The following TMEM232 variants were observed in gnomAD, a reference collection of about 807,000 sequenced individuals.
TMEM232 encodes transmembrane protein 232.
Under a neutral mutation model 78.8 loss-of-function variants are expected in TMEM232, and 80 were observed. That is an observed-to-expected ratio of 1.01 (90% CI 0.85 to 1.22). The LOEUF (loss-of-function observed/expected upper bound fraction) is 1.22, where lower values mean the gene tolerates loss of function less well. TMEM232 is among the 50% of genes most tolerant of loss of function. The pLI is 0.00. For missense variants in TMEM232, 881 were observed against 742.2 expected (o/e 1.19, Z -2.17); for synonymous variants, 297 against 254.3 (o/e 1.17, Z -1.60).
intron 2 of TMEM232, among the ~76,000 whole-genome samples, chr5:110,398,655 C>T (rs997036054): frequency 6.6e-6 from 1 of 152,106 alleles, no homozygotes; most frequent in Non-Finnish European, 1.5e-5. Flanking sequence ...CAGAACATGT[C>T]CAGATGCTGA....
At chr5:110,502,064 G>A (rs1034629450) in intron 12 of TMEM232, among the ~76,000 whole-genome samples, 9 of 151,680 alleles carry the variant, frequency 5.9e-5, no homozygotes, top group African/African-American at 2.2e-4. Flanking sequence ...TCTGTTTTTG[G>A]TTTTGTTTTG....
chr5:110,649,292 AG>A (rs1787962406), intron 2 of TMEM232, among the ~76,000 whole-genome samples: 1 of 152,116 alleles, frequency 6.6e-6, no homozygotes, highest in Admixed American at 6.6e-5. Flanking sequence ...AGACAGCACT[AG>A]GATTTCTTTA....
At chr5:110,499,639 A>C (rs2633976) in intron 12 of TMEM232, among the ~76,000 whole-genome samples, 3,068 of 137,618 alleles carry the variant, frequency 0.022, 44 homozygotes, top group African/African-American at 0.038. Context: ...CCCCCCCCAC[A>C]CACACACATA....
chr5:110,547,291 C>G (rs1773898600), intron 11 of TMEM232, among the ~76,000 whole-genome samples: 1 of 152,080 alleles, frequency 6.6e-6, no homozygotes, highest in Non-Finnish European at 1.5e-5. Context: ...TTTTACTCAG[C>G]AAAATTACGC....
chr5:110,718,978 T>C (rs1032288752), intron 1 of TMEM232, among the ~76,000 whole-genome samples: 3 of 151,964 alleles, frequency 2.0e-5, no homozygotes, highest in East Asian at 3.9e-4. Flanking sequence ...TGGAGATATG[T>C]TCTGAGAAAT....
At chr5:110,391,295 G>T (rs928142436) in intron 3 of TMEM232, among the ~76,000 whole-genome samples, 3 of 132,544 alleles carry the variant, frequency 2.3e-5, no homozygotes, top group African/African-American at 1.1e-4. Flanking sequence ...GTTTGAATGT[G>T]TGTGTGTGTG....
chr5:110,417,618 C>CTTTTTTTTTTTT (rs1181888424), downstream of TMEM232: 30 of 119,274 alleles, frequency 2.5e-4, no homozygotes, highest in Non-Finnish European at 3.2e-4. Context: ...TTTTCTTTTT[C>CTTTTTTTTTTTT]TTTTTTTTTT....
chr5:110,703,963 C>T (rs1322541913), intron 1 of TMEM232, among the ~76,000 whole-genome samples: 1 of 151,964 alleles, frequency 6.6e-6, no homozygotes, highest in Non-Finnish European at 1.5e-5. Context: ...ATCAATTATC[C>T]CCCTGCAAGA....
rs573660230 is a variant in TMEM232 at position 110,516,116 on chromosome 5, G to A, written c.1703+12472C>T. On this transcript the variant is annotated intron_variant, in intron 12 of 13. Coordinates refer to ENST00000455884, the MANE Select transcript of TMEM232 (RefSeq NM_001039763.4). ...TACCCGGGCGTGGTGGCAGGCACCT[G>A]TAGTCCCAGCTACTCAGGAGGCTGA... 2.0e-5 allele frequency among the ~76,000 whole-genome samples: 3 copies of A among 152,250 alleles called. No homozygotes were observed. The East Asian group carries it at 5.8e-4, about 29-fold the overall frequency.
chr5:110,671,077 A>G (rs116004362), intron 1 of TMEM232, among the ~76,000 whole-genome samples: 1,781 of 152,270 alleles, frequency 0.012, 44 homozygotes, highest in African/African-American at 0.04. Context: ...CTTCATGACT[A>G]AAACACCAAA....
intron 2 of TMEM232, among the ~76,000 whole-genome samples, chr5:110,403,886 G>T (rs542394897): frequency 6.6e-6 from 1 of 152,000 alleles, no homozygotes; most frequent in African/African-American, 2.4e-5. Flanking sequence ...AATGTGCTGA[G>T]CAGCATTGGT....
chr5:110,527,314 T>C (rs924587782), intron 12 of TMEM232, among the ~76,000 whole-genome samples: 1 of 151,854 alleles, frequency 6.6e-6, no homozygotes, highest in African/African-American at 2.4e-5. Context: ...ATAAGTGAGT[T>C]TACATATTAA....
intron 2 of TMEM232, among the ~76,000 whole-genome samples, chr5:110,647,159 T>C (rs536047856): frequency 2.6e-5 from 4 of 152,048 alleles, no homozygotes; most frequent in Non-Finnish European, 5.9e-5. Flanking sequence ...AACTTGAAAC[T>C]TTCTCAGTAA....
At chr5:110,688,466 C>T (rs914082814) in intron 1 of TMEM232, among the ~76,000 whole-genome samples, 1 of 152,138 alleles carries the variant, frequency 6.6e-6, no homozygotes, top group Admixed American at 6.5e-5. Context: ...GATACATTTC[C>T]TCTGTTGGAG....
intron 13 of TMEM232, among the ~76,000 whole-genome samples, chr5:110,423,739 T>G (rs1268957508): frequency 6.6e-6 from 1 of 151,916 alleles, no homozygotes; most frequent in Non-Finnish European, 1.5e-5. Flanking sequence ...TCTCCTCTGT[T>G]TCTTTAGCCC....
chr5:110,394,864 T>A (rs904980776), intron 3 of TMEM232, among the ~76,000 whole-genome samples: 1 of 152,120 alleles, frequency 6.6e-6, no homozygotes, highest in Non-Finnish European at 1.5e-5. Context: ...CCTCTATGCC[T>A]CCAATAGGGT....
chr5:110,628,712 C>G (rs1580420262), intron 5 of TMEM232, among the ~76,000 whole-genome samples: 2 of 147,106 alleles, frequency 1.4e-5, no homozygotes, highest in Middle Eastern at 3.5e-3. Flanking sequence ...TCTCAAAATC[C>G]TCTTAACAGC....
chr5:110,494,557 T>G (rs1703480629), intron 12 of TMEM232, among the ~76,000 whole-genome samples: 1 of 152,022 alleles, frequency 6.6e-6, no homozygotes, highest in African/African-American at 2.4e-5. Flanking sequence ...ACCTTTAAAT[T>G]TATACATGCA....
chr5:110,622,041 T>C (rs1036265863), intron 7 of TMEM232, among the ~76,000 whole-genome samples: 1 of 152,196 alleles, frequency 6.6e-6, no homozygotes. Context: ...CTGGGTTTCA[T>C]GTAGTTTTCA....
Sources: gnomAD v4.1 joint callset for allele counts (sites outside exome capture counted in the v4.1 genomes callset) on GRCh38, gnomAD v4.1.1 for gene constraint, MANE v1.5 for transcripts, NCBI Gene and HGNC (gene_info 2026-07-23, HGNC 2026-07-21) for gene names.